The following DCC variants were observed in gnomAD, a reference collection of about 807,000 sequenced individuals.
DCC encodes DCC netrin 1 receptor.
A neutral mutation model predicts 172.5 loss-of-function variants in DCC; 58 were observed. The observed-to-expected ratio is 0.34, with a 90% CI of 0.27 to 0.42. DCC has a LOEUF of 0.42. DCC is among the 10% of genes least tolerant of loss of function. The pLI is 1.00. For synonymous variants in DCC, 709 were observed against 644.5 expected (o/e 1.10, Z -1.52); for missense variants, 1,740 against 1,791.0 (o/e 0.97, Z 0.51).
At chr18:52,400,663 T>C (rs1986400777) in intron 1 of DCC, among the ~76,000 whole-genome samples, 1 of 152,126 alleles carries the variant, frequency 6.6e-6, no homozygotes, top group South Asian at 2.1e-4. Flanking sequence ...ATTGCAGCAC[T>C]GTTCACAATA....
At chr18:52,887,997 A>C (rs1320254759) in intron 2 of DCC, among the ~76,000 whole-genome samples, 1 of 152,346 alleles carries the variant, frequency 6.6e-6, no homozygotes, top group East Asian at 1.9e-4. Context: ...TGCACTTTCA[A>C]TTAGTAAAAT....
chr18:53,450,365 C>T, intron 22 of DCC, 135 bp from the exon 23 acceptor site: 9 of 852,810 alleles, frequency 1.1e-5, no homozygotes, highest in Admixed American at 1.0e-4. Context: ...TTCATTGCTT[C>T]CCTCGAACTC....
intron 5 of DCC, among the ~76,000 whole-genome samples, chr18:52,978,606 G>A (rs2041159618): frequency 6.6e-6 from 1 of 152,146 alleles, no homozygotes; most frequent in South Asian, 2.1e-4. Flanking sequence ...TTGTGCCAAA[G>A]ACCACACAGT....
At chr18:53,333,764 A>G (rs992299752) in intron 14 of DCC, among the ~76,000 whole-genome samples, 4 of 152,206 alleles carry the variant, frequency 2.6e-5, no homozygotes, top group African/African-American at 9.7e-5. Flanking sequence ...GCAGTTTTCT[A>G]TATACATGCT....
intron 5 of DCC, among the ~76,000 whole-genome samples, chr18:53,062,354 A>G (rs1362338509): frequency 2.0e-5 from 3 of 152,064 alleles, no homozygotes; most frequent in African/African-American, 7.2e-5. Flanking sequence ...TCACTCACTG[A>G]GCATAACAAA....
chr18:52,866,571 G>A (rs2039232325), intron 2 of DCC, among the ~76,000 whole-genome samples: 1 of 152,136 alleles, frequency 6.6e-6, no homozygotes, highest in Non-Finnish European at 1.5e-5. Context: ...TTGAGCAGTG[G>A]TTTGTAGTCC....
At chr18:52,614,690 A>G (rs1056279017) in intron 1 of DCC, among the ~76,000 whole-genome samples, 3 of 152,228 alleles carry the variant, frequency 2.0e-5, no homozygotes, top group Non-Finnish European at 2.9e-5. Context: ...TTTCCCTGTC[A>G]ATAATAAAAA....
intron 9 of DCC, among the ~76,000 whole-genome samples, chr18:53,195,437 G>T (rs538021132): frequency 1.5e-4 from 23 of 152,216 alleles, no homozygotes; most frequent in African/African-American, 5.3e-4. Flanking sequence ...TGTTGATGGT[G>T]GTTATTAGGA....
intron 5 of DCC, among the ~76,000 whole-genome samples, chr18:52,994,569 A>C (rs2041449901): frequency 6.6e-6 from 1 of 152,174 alleles, no homozygotes. Context: ...GGCAATTACT[A>C]TTATAAAATT....
chr18:53,314,833 G>T (rs888848421), intron 13 of DCC, among the ~76,000 whole-genome samples: 3 of 152,106 alleles, frequency 2.0e-5, no homozygotes, highest in Non-Finnish European at 4.4e-5. Context: ...AGATGTAATA[G>T]AAAGGAAGAT....
chr18:52,391,944 A>G (rs1329083826), intron 1 of DCC, among the ~76,000 whole-genome samples: 1 of 152,278 alleles, frequency 6.6e-6, no homozygotes, highest in African/African-American at 2.4e-5. Context: ...GTCAGACACA[A>G]ATCTGTGTAT....
chr18:52,464,004 C>G (rs996922732), intron 1 of DCC, among the ~76,000 whole-genome samples: 3 of 152,154 alleles, frequency 2.0e-5, no homozygotes, highest in African/African-American at 7.2e-5. Flanking sequence ...AGTGGGTCCT[C>G]TTCAGCCTCA....
At chr18:52,637,469 A>T (rs1005901021) in intron 1 of DCC, among the ~76,000 whole-genome samples, 1 of 152,180 alleles carries the variant, frequency 6.6e-6, no homozygotes, top group African/African-American at 2.4e-5. Context: ...CTAAAGAAAA[A>T]AAAATAAAGA....
intron 8 of DCC, among the ~76,000 whole-genome samples, chr18:53,166,690 C>T (rs1362595011): frequency 6.6e-6 from 1 of 152,058 alleles, no homozygotes; most frequent in Non-Finnish European, 1.5e-5. Flanking sequence ...AAAGCTCATT[C>T]CTAGATTTAT....
At chr18:52,821,908 A>C (rs1322575798) in intron 2 of DCC, among the ~76,000 whole-genome samples, 1 of 152,232 alleles carries the variant, frequency 6.6e-6, no homozygotes, top group African/African-American at 2.4e-5. Context: ...TTTGAGTAAC[A>C]GGCACATGAA....
rs748447571 is a variant in DCC, at chr18:53,391,662, T to C, written c.2463T>C (p.Thr821=). 6.2e-7 allele frequency: 1 copy of C among 1,612,732 alleles called. No homozygotes were observed. The highest frequency in any genetic ancestry group is 8.5e-7 in the Non-Finnish European group (1 of 1,178,696). Residue 821 remains threonine, a synonymous_variant, in exon 17 of 29, where the codon ACT becomes ACC. Coordinates refer to ENST00000442544, the MANE Select transcript of DCC (RefSeq NM_005215.4). ...SATTRSITDP[T]DPVDYYPLLD... ...GTGGGTTTTTAAACCCAGATCCCAC[T>C]GACCCAGTTGATTATTATCCTTTGC...
chr18:53,398,133 T>A (rs1909071559), intron 18 of DCC, among the ~76,000 whole-genome samples: 1 of 152,166 alleles, frequency 6.6e-6, no homozygotes, highest in African/African-American at 2.4e-5. Context: ...AATCCAGGGC[T>A]TAACATGTTT....
intron 22 of DCC, among the ~76,000 whole-genome samples, chr18:53,449,531 A>C (rs2145147513): frequency 6.6e-6 from 1 of 152,298 alleles, no homozygotes; most frequent in African/African-American, 2.4e-5. Flanking sequence ...GTTGAAAATT[A>C]AATTGCTTTA....
intron 22 of DCC, among the ~76,000 whole-genome samples, chr18:53,440,000 C>A (rs975115111): frequency 6.6e-6 from 1 of 151,352 alleles, no homozygotes; most frequent in Non-Finnish European, 1.5e-5. Flanking sequence ...CTCTTGACCT[C>A]GTGATCCGCC....
Sources: gnomAD v4.1 joint callset for allele counts (sites outside exome capture counted in the v4.1 genomes callset) on GRCh38, gnomAD v4.1.1 for gene constraint, MANE v1.5 for transcripts, NCBI Gene and HGNC (gene_info 2026-07-23, HGNC 2026-07-21) for gene names.